The following LIMA1 variants were observed in gnomAD, a reference collection of about 807,000 sequenced individuals.
The protein encoded by LIMA1 is LIM domain and actin-binding protein 1.
LIMA1 carries 52 observed loss-of-function variants against 62.6 expected under a neutral mutation model. That is an observed-to-expected ratio of 0.83 (90% confidence interval 0.67 to 1.05). The LOEUF is 1.05. LIMA1 is among the 50% of genes least tolerant of loss of function. The pLI, the probability that LIMA1 is intolerant of heterozygous loss-of-function variation, is 0.00. For synonymous variants in LIMA1, 302 were observed against 317.8 expected (o/e 0.95, Z 0.53); for missense variants, 780 against 902.2 (o/e 0.86, Z 1.74).
chr12:50,188,595 T>G (rs1940684246), intron 9 of LIMA1: 1 of 152,192 alleles, frequency 6.6e-6, no homozygotes, highest in African/African-American at 2.4e-5. Flanking sequence ...TATACTACTA[T>G]TCTACTGCTG....
At chr12:50,235,971 C>A (rs778880360) in intron 2 of LIMA1, among the ~76,000 whole-genome samples, 17 of 152,062 alleles carry the variant, frequency 1.1e-4, no homozygotes, top group Non-Finnish European at 2.1e-4. Flanking sequence ...TGGAAACCAG[C>A]CCCGCCAACC....
rs115006230 is a variant in LIMA1 at position 50,258,514 on chromosome 12, G to A, written c.-23-9740C>T. On this transcript the variant is annotated intron_variant, in intron 1 of 10. Coordinates refer to ENST00000341247, the MANE Select transcript of LIMA1 (RefSeq NM_016357.5). ...GTCTCCCCGTATTGTCCAGGCTGGT[G>A]TCAAACTCCTGGGCCTAAGTGATCC... Among the ~76,000 whole-genome samples the A allele has an allele frequency of 4.1e-3, 628 of 152,022 alleles. 4 individuals are homozygous for A. Among genetic ancestry groups the A allele is most frequent in the African/African-American group, 0.015 (609 of 41,450 alleles).
At chr12:50,178,728 A>G (rs933873763) in intron 10 of LIMA1, among the ~76,000 whole-genome samples, 16 of 151,936 alleles carry the variant, frequency 1.1e-4, no homozygotes, top group African/African-American at 3.6e-4. Context: ...GCGAGTGATA[A>G]TCTTCCTTGG....
intron 2 of LIMA1, among the ~76,000 whole-genome samples, chr12:50,235,950 A>C (rs914566694): frequency 6.6e-6 from 1 of 152,138 alleles, no homozygotes; most frequent in African/African-American, 2.4e-5. Context: ...GGATCACCTG[A>C]GGTCAGGAGT....
intron 9 of LIMA1, among the ~76,000 whole-genome samples, chr12:50,183,567 C>T (rs979086288): frequency 6.6e-6 from 1 of 152,032 alleles, no homozygotes; most frequent in Non-Finnish European, 1.5e-5. Flanking sequence ...TAATCCCACA[C>T]TTTGGGAGGT....
At chr12:50,182,206 G>A in intron 9 of LIMA1, 169 bp from the exon 10 acceptor site, 1 of 652,862 alleles carries the variant, frequency 1.5e-6, no homozygotes, top group Non-Finnish European at 2.5e-6. Context: ...AAGCCAAGAG[G>A]CTCTCTTGAT....
chr12:50,238,355 A>C (rs1941725575), intron 2 of LIMA1, among the ~76,000 whole-genome samples: 1 of 152,026 alleles, frequency 6.6e-6, no homozygotes, highest in Non-Finnish European at 1.5e-5. Flanking sequence ...AAAAATACAA[A>C]AATTAGCCAG....
chr12:50,183,399 C>G (rs1006875324), intron 9 of LIMA1, among the ~76,000 whole-genome samples: 1 of 152,080 alleles, frequency 6.6e-6, no homozygotes, highest in Non-Finnish European at 1.5e-5. Flanking sequence ...CATGATCAGC[C>G]TGGGCTCTCA....
intron 9 of LIMA1, chr12:50,186,307 T>C (rs1003058632): frequency 6.6e-6 from 1 of 152,212 alleles, no homozygotes; most frequent in African/African-American, 2.4e-5. Flanking sequence ...TCCCACCATT[T>C]TGCCCCTACC....
intron 1 of LIMA1, among the ~76,000 whole-genome samples, chr12:50,257,616 G>A (rs146490497): frequency 3.9e-5 from 6 of 152,260 alleles, no homozygotes; most frequent in African/African-American, 1.4e-4. Context: ...TAAATACAAA[G>A]GGCTGTGGAA....
At chr12:50,202,710 T>C (rs2138476721) in intron 6 of LIMA1, among the ~76,000 whole-genome samples, 2 of 152,336 alleles carry the variant, frequency 1.3e-5, no homozygotes, top group Admixed American at 1.3e-4. Context: ...AGAGAATTAG[T>C]CCACCAAATA....
intron 1 of LIMA1, among the ~76,000 whole-genome samples, chr12:50,279,005 CTTTTCT>C (rs991277357): frequency 1.8e-4 from 20 of 112,404 alleles, no homozygotes; most frequent in Admixed American, 7.9e-4. Context: ...TTTTTCTTTT[CTTTTCT>C]TTTTTTTTTT....
intron 1 of LIMA1, among the ~76,000 whole-genome samples, chr12:50,269,838 T>C (rs1049065856): frequency 6.7e-6 from 1 of 148,784 alleles, no homozygotes; most frequent in African/African-American, 2.5e-5. Flanking sequence ...GAGAATCGCT[T>C]GAACCTGGGA....
intron 9 of LIMA1, chr12:50,188,464 C>G (rs748094822): frequency 6.6e-6 from 1 of 152,198 alleles, no homozygotes; most frequent in African/African-American, 2.4e-5. Context: ...CCACCAGGCT[C>G]TGTACACCAT....
At chr12:50,201,083 A>G in intron 6 of LIMA1, 199 bp from the exon 7 acceptor site, 7 of 1,372,460 alleles carry the variant, frequency 5.1e-6, no homozygotes, top group East Asian at 2.9e-5. Flanking sequence ...CATACCTCAG[A>G]GTTAAATATC....
At chr12:50,220,547 A>T (rs1286117787) in intron 4 of LIMA1, 2 of 152,258 alleles carry the variant, frequency 1.3e-5, no homozygotes, top group African/African-American at 4.8e-5. Flanking sequence ...AACATGCAGC[A>T]GCCTTTTGCA....
chr12:50,219,711 A>T (rs771278155), intron 4 of LIMA1: 3 of 151,784 alleles, frequency 2.0e-5, no homozygotes, highest in Non-Finnish European at 2.9e-5. Flanking sequence ...TTTAAGGGAC[A>T]GGGATCTTAC....
intron 4 of LIMA1, among the ~76,000 whole-genome samples, chr12:50,211,076 C>G (rs901024599): frequency 2.0e-5 from 3 of 152,116 alleles, no homozygotes; most frequent in African/African-American, 7.2e-5. Flanking sequence ...AATCCCAGCA[C>G]TTTGGGAGGC....
At chr12:50,225,182 A>G (rs1391950782) in intron 3 of LIMA1, among the ~76,000 whole-genome samples, 2 of 152,030 alleles carry the variant, frequency 1.3e-5, no homozygotes, top group Non-Finnish European at 2.9e-5. Context: ...GATTATAGGC[A>G]TGAGCCACTG....
Sources: gnomAD v4.1 joint callset for allele counts (sites outside exome capture counted in the v4.1 genomes callset) on GRCh38, gnomAD v4.1.1 for gene constraint, MANE v1.5 for transcripts, NCBI Gene and HGNC (gene_info 2026-07-23, HGNC 2026-07-21) for gene names.